The following LRRC49 variants were observed in gnomAD, a reference collection of about 807,000 sequenced individuals.
The protein encoded by LRRC49 is leucine rich repeat containing 49, also known as leucine-rich repeat-containing protein 49.
In LRRC49, 50 loss-of-function variants were observed where a neutral mutation model predicts 83.3. The ratio of observed to expected loss-of-function variants is 0.60; its 90% confidence interval spans 0.48 to 0.76. The LOEUF (loss-of-function observed/expected upper bound fraction) is 0.76, where lower values mean the gene tolerates loss of function less well. Ranked by LOEUF, LRRC49 falls within the 30% of genes least tolerant of loss-of-function variation. LRRC49 has a pLI of 0.00. For missense variants in LRRC49, 704 were observed against 809.1 expected, an observed-to-expected ratio of 0.87 and a Z score of 1.58; for synonymous variants, 286 against 283.3, an observed-to-expected ratio of 1.01 and a Z score of -0.10.
chr15:70,859,268 C>T (rs1269222265), intron 1 of LRRC49: 29 of 861,794 alleles, frequency 3.4e-5, no homozygotes, highest in Admixed American at 1.5e-4. Context: ...GATCAATAAG[C>T]GTACAGAGGT....
chr15:70,870,616 G>C (rs545980058), intron 1 of LRRC49, among the ~76,000 whole-genome samples: 1 of 152,092 alleles, frequency 6.6e-6, no homozygotes, highest in East Asian at 1.9e-4. Context: ...TCAGCCTCCC[G>C]AGTAGCTGGG....
intron 7 of LRRC49, among the ~76,000 whole-genome samples, chr15:70,927,423 G>T (rs1428689633): frequency 6.6e-6 from 1 of 151,756 alleles, no homozygotes; most frequent in Non-Finnish European, 1.5e-5. Flanking sequence ...ATGTAAAAAG[G>T]CTTGCCTTTT....
At position 70,854,098 on chromosome 15, in the gene LRRC49, G is replaced by A. The variant is rs1436772718; in HGVS notation, c.-299+629G>A. 4 of 1,265,450 alleles carry A rather than the reference G, an allele frequency of 3.2e-6. No homozygotes were observed. In the African/African-American group the frequency reaches 4.7e-5, roughly 15 times the overall value. 78.4% of individuals were successfully genotyped at this position (1,265,450 alleles called of 1,614,324 possible). ...CGCCGGACTGGGCCATGGCTCGCGG[G>A]ACTGCGGCGCCGCCGGGGTCCTCAC... On this transcript the variant is annotated intron_variant, in intron 1 of 16. Coordinates refer to the LRRC49 transcript ENST00000544974.
intron 8 of LRRC49, among the ~76,000 whole-genome samples, chr15:70,960,270 T>C (rs1019470890): frequency 1.3e-5 from 2 of 152,192 alleles, no homozygotes; most frequent in Non-Finnish European, 2.9e-5. Flanking sequence ...TAGTCTGATA[T>C]TTTGGTCTTT....
chr15:71,008,221 CTAGA>C (rs1303462902), intron 11 of LRRC49, among the ~76,000 whole-genome samples, 154 bp from the exon 12 acceptor site: 1 of 151,792 alleles, frequency 6.6e-6, no homozygotes, highest in African/African-American at 2.4e-5. Flanking sequence ...TACAAAACTG[CTAGA>C]TAGTCTATTG....
chr15:71,014,378 A>G (rs1713550), intron 14 of LRRC49, among the ~76,000 whole-genome samples: 117,198 of 151,980 alleles, frequency 0.77, 46,594 homozygotes, highest in East Asian at 0.86. Context: ...GTATTAAAAT[A>G]TTAAGGGTTT....
chr15:70,862,041 C>T (rs1433816267), intron 1 of LRRC49, among the ~76,000 whole-genome samples: 2 of 152,152 alleles, frequency 1.3e-5, no homozygotes, highest in East Asian at 3.9e-4. Context: ...GAAACACAGG[C>T]ACAGGTACTC....
intron 1 of LRRC49, among the ~76,000 whole-genome samples, chr15:70,860,820 G>A (rs1333140055): frequency 6.6e-6 from 1 of 152,086 alleles, no homozygotes; most frequent in African/African-American, 2.4e-5. Flanking sequence ...TGGCTATATG[G>A]CCACCTAATT....
chr15:70,970,206 G>A (rs1043206216), intron 9 of LRRC49, among the ~76,000 whole-genome samples: 7 of 151,926 alleles, frequency 4.6e-5, no homozygotes, highest in African/African-American at 1.2e-4. Context: ...AATTTTTATC[G>A]AAGGCCTTTT....
At chr15:70,853,982 T>A (rs1334282248) in intron 1 of LRRC49, 1 of 1,459,924 alleles carries the variant, frequency 6.8e-7, no homozygotes, top group South Asian at 1.3e-5. Context: ...CTCCGCCCCC[T>A]CCTCCTCGTC....
intron 1 of LRRC49, among the ~76,000 whole-genome samples, chr15:70,857,484 C>G (rs2032680997): frequency 6.6e-6 from 1 of 151,934 alleles, no homozygotes; most frequent in African/African-American, 2.4e-5. Context: ...CAACAGAGAC[C>G]CCATCTTCAA....
chr15:71,031,772 C>A (rs1168977843), intron 14 of LRRC49, among the ~76,000 whole-genome samples: 2 of 152,142 alleles, frequency 1.3e-5, no homozygotes, highest in Admixed American at 6.5e-5. Flanking sequence ...CAGCCCAGAC[C>A]TCCCAGCCTC....
chr15:70,871,021 T>C (rs971186542), intron 1 of LRRC49, among the ~76,000 whole-genome samples: 24 of 150,790 alleles, frequency 1.6e-4, no homozygotes, highest in East Asian at 7.9e-4. Context: ...GGCAGGGTCA[T>C]AGGACAATAG....
At chr15:71,049,277 C>T in intron 15 of LRRC49, 132 bp from the exon 16 acceptor site, 1 of 630,776 alleles carries the variant, frequency 1.6e-6, no homozygotes, top group Non-Finnish European at 2.8e-6. Flanking sequence ...AGAATTCCTG[C>T]TCTGAGGAGT....
chr15:70,871,984 C>T (rs981495714), intron 1 of LRRC49, among the ~76,000 whole-genome samples: 4 of 151,872 alleles, frequency 2.6e-5, no homozygotes, highest in African/African-American at 7.3e-5. Flanking sequence ...CCTCACTTCC[C>T]AGACGGGATG....
chr15:70,870,048 A>G (rs964650574), intron 1 of LRRC49, among the ~76,000 whole-genome samples: 1 of 152,228 alleles, frequency 6.6e-6, no homozygotes, highest in Non-Finnish European at 1.5e-5. Flanking sequence ...GAGCTTCAGA[A>G]ACTGAGAGGT....
chr15:70,882,047 G>A (rs1181924031), intron 2 of LRRC49: 2 of 162,546 alleles, frequency 1.2e-5, no homozygotes, highest in East Asian at 3.5e-4. Context: ...CTGTTACTGT[G>A]TTACTGCTCT....
chr15:70,860,234 A>G (rs566483082), intron 1 of LRRC49: 1 of 618,454 alleles, frequency 1.6e-6, no homozygotes, highest in Non-Finnish European at 2.9e-6. Flanking sequence ...GCCGCTGTGC[A>G]TGGTATCACA....
At chr15:71,006,823 G>GA (rs1486744674) in intron 11 of LRRC49, among the ~76,000 whole-genome samples, 2 of 152,076 alleles carry the variant, frequency 1.3e-5, no homozygotes, top group Admixed American at 1.3e-4. Flanking sequence ...TAGTGGCAGT[G>GA]AAGCTGTCCT....
Sources: allele counts gnomAD v4.1 joint callset (sites outside exome capture counted in the v4.1 genomes callset), GRCh38; gene constraint gnomAD v4.1.1; transcripts MANE v1.5; gene names NCBI Gene and HGNC (gene_info 2026-07-23, HGNC 2026-07-21).